SNX4: variants seen among roughly 807,000 people sequenced by gnomAD.
SNX4 encodes sorting nexin-4.
A neutral mutation model predicts 70.8 loss-of-function variants in SNX4; 49 were observed. The observed-to-expected ratio is 0.69, with a 90% CI of 0.55 to 0.88. SNX4 has a LOEUF of 0.88. Among genes scored for constraint, SNX4 ranks in the 40% least tolerant of loss-of-function variants. SNX4 has a pLI of 0.00. For synonymous variants in SNX4, 206 were observed against 183.8 expected (o/e 1.12, Z -0.98); for missense variants, 528 against 544.8 (o/e 0.97, Z 0.31).
At chr3:125,470,209 TA>T (rs1217744907) in intron 8 of SNX4, among the ~76,000 whole-genome samples, 1 of 152,098 alleles carries the variant, frequency 6.6e-6, no homozygotes, top group African/African-American at 2.4e-5. Flanking sequence ...CTTATTTGCG[TA>T]ATTTAAAGTG....
intron 5 of SNX4, among the ~76,000 whole-genome samples, chr3:125,493,584 G>A (rs1158137524): frequency 6.7e-6 from 1 of 149,244 alleles, no homozygotes; most frequent in Non-Finnish European, 1.5e-5. Context: ...AGCTGGGGAG[G>A]TGGAGCTTGC....
At chr3:125,470,842 A>T (rs1934151770) in intron 8 of SNX4, among the ~76,000 whole-genome samples, 1 of 152,160 alleles carries the variant, frequency 6.6e-6, no homozygotes, top group South Asian at 2.1e-4. Context: ...TTTAAACATA[A>T]GAGTTCCAAG....
At position 125,520,007 on chromosome 3, in the gene SNX4, G is replaced by A. The variant is rs745527893; in HGVS notation, c.141+25C>T. On this transcript the variant is annotated intron_variant, in intron 1 of 13. Transcript: ENST00000251775. ...CGCTAGGCCACCACACAGGCCATGA[G>A]GGCTCTGCCGCCCCTTCTCCTCACC... 8.9e-5 allele frequency: 127 copies of A among 1,430,904 alleles called. 3 individuals are homozygous for A. The Middle Eastern group carries it at 5.1e-3, about 57-fold the overall frequency. 88.6% of individuals were successfully genotyped at this position (1,430,904 alleles called of 1,614,324 possible).
chr3:125,468,558 A>G (rs1234919925), intron 9 of SNX4, among the ~76,000 whole-genome samples: 1 of 152,062 alleles, frequency 6.6e-6, no homozygotes, highest in Non-Finnish European at 1.5e-5. Flanking sequence ...AAAAAAATTT[A>G]ATTCAATCTG....
At chr3:125,517,732 T>G (rs1935312741) in intron 1 of SNX4, among the ~76,000 whole-genome samples, 1 of 152,152 alleles carries the variant, frequency 6.6e-6, no homozygotes, top group African/African-American at 2.4e-5. Context: ...TCCCAGCACT[T>G]TAGGAGGCTG....
intron 9 of SNX4, among the ~76,000 whole-genome samples, chr3:125,469,027 T>C: frequency 6.6e-6 from 1 of 152,178 alleles, no homozygotes; most frequent in East Asian, 1.9e-4. Flanking sequence ...TCCAGTACAA[T>C]GTTTACTAAA....
rs370396494 is a variant in SNX4, at chr3:125,495,547, T to A, written c.597+1794A>T. ...ATACTGATATTACCTTTCAAATACT[T>A]TTCAAAAGTACAATACATAAGGCTC... On this transcript the variant is annotated intron_variant, in intron 5 of 13. Transcript: ENST00000251775. Among the ~76,000 whole-genome samples the A allele has an allele frequency of 6.6e-5, 10 of 152,058 alleles. No homozygotes were observed. The East Asian group carries it at 1.2e-3, about 18-fold the overall frequency.
chr3:125,459,496 G>C (rs529100848), intron 10 of SNX4, among the ~76,000 whole-genome samples: 14 of 152,124 alleles, frequency 9.2e-5, no homozygotes, highest in Non-Finnish European at 1.8e-4. Flanking sequence ...GAGTGTAATG[G>C]TGCGATCTCG....
In SNX4 at chr3:125,504,762, AAACAAC is replaced by A. The variant is rs745308330; in HGVS notation, c.142-24_142-19del. The A allele has an allele frequency of 1.2e-6, 2 of 1,608,754 alleles. No individual in the cohort carries two copies. Among genetic ancestry groups the A allele is most frequent in the South Asian group, 1.1e-5 (1 of 90,210 alleles). ...TGTGTCATCTGGACAAAAGTAAATAAAACAACAACAACAACAAAAACCTTTAAGATG... is the reference window on the plus strand; with the variant it reads ...TGTGTCATCTGGACAAAAGTAAATAAAACAACAACAAAAACCTTTAAGATG... On this transcript the variant is annotated intron_variant, in intron 1 of 13. Transcript: ENST00000251775.
intron 9 of SNX4, among the ~76,000 whole-genome samples, chr3:125,466,019 T>C (rs553281439): frequency 1.3e-5 from 2 of 152,354 alleles, no homozygotes; most frequent in Admixed American, 1.3e-4. Flanking sequence ...ACATAGTTTA[T>C]CTTTCCATTT....
intron 8 of SNX4, among the ~76,000 whole-genome samples, chr3:125,474,763 C>T (rs1209242888): frequency 2.0e-5 from 3 of 152,170 alleles, no homozygotes; most frequent in Non-Finnish European, 4.4e-5. Flanking sequence ...TGTCTACCTG[C>T]CTCTCAAATT....
chr3:125,499,076 T>C (rs1389888528), intron 2 of SNX4, among the ~76,000 whole-genome samples: 1 of 152,196 alleles, frequency 6.6e-6, no homozygotes, highest in Non-Finnish European at 1.5e-5. Context: ...TCTCCAGTCT[T>C]ACTTTTAATT....
rs749255696 is a variant in SNX4, at chr3:125,498,135, C to A, written c.323G>T (p.Ser108Ile). 6.2e-7 allele frequency: 1 copy of A among 1,614,162 alleles called. No individual in the cohort carries two copies. Among genetic ancestry groups the A allele is most frequent in the Non-Finnish European group, 8.5e-7 (1 of 1,180,014 alleles). Residue 108 changes from serine to isoleucine, a missense_variant, in exon 3 of 14, where the codon AGT becomes ATT. Coordinates refer to ENST00000251775, the MANE Select transcript of SNX4 (RefSeq NM_003794.4). ...GTAGCTTCTCAACAACTCAAATTCA[C>A]TATATCGCCGCCATAGTGAGTCTGT... Reference protein sequence around the residue: ...VLTDSLWRRYSEFELLRSYLL... With the variant: ...VLTDSLWRRYIEFELLRSYLL...
intron 9 of SNX4, among the ~76,000 whole-genome samples, chr3:125,467,084 CAAAA>C (rs538874424): frequency 5.1e-4 from 38 of 74,560 alleles, no homozygotes; most frequent in African/African-American, 1.5e-3. Flanking sequence ...CTCTGTCTTC[CAAAA>C]AAAAAAAAAA....
Position 125,446,723 on chromosome 3 carries a change from A to G in SNX4, c.*1056T>C, listed in dbSNP as rs1161534114. 1 of 152,652 alleles carries G rather than the reference A, an allele frequency of 6.6e-6. No homozygotes were observed. Among genetic ancestry groups the G allele is most frequent in the East Asian group, 1.9e-4 (1 of 5,196 alleles). The allele number at this position is 152,652 out of a possible 1,614,324, so 9.5% of individuals were successfully genotyped here. On this transcript the variant is annotated 3_prime_UTR_variant, in exon 14 of 14. Coordinates refer to ENST00000251775, the MANE Select transcript of SNX4 (RefSeq NM_003794.4). ...AAAAATCCAGCAACATTTAAAACAT[A>G]TAAAAAAGTCAAATGCTAAACAGGA...
Position 125,474,082 on chromosome 3 carries a change from C to T in SNX4, c.788+2613G>A, listed in dbSNP as rs921419625. Among the ~76,000 whole-genome samples the T allele has an allele frequency of 5.9e-5, 9 of 152,104 alleles. No homozygotes were observed. The East Asian group carries it at 1.5e-3, about 26-fold the overall frequency. ...CCACCTACATTCTCTATCACAAATC[C>T]TTAGGCACTCAACTGCCCTAAATTA... On this transcript the variant is annotated intron_variant, in intron 8 of 13. Transcript: ENST00000251775.
intron 6 of SNX4, among the ~76,000 whole-genome samples, chr3:125,480,755 T>C (rs1934393309): frequency 6.6e-6 from 1 of 152,208 alleles, no homozygotes; most frequent in Non-Finnish European, 1.5e-5. Flanking sequence ...TGATGCACCA[T>C]CTGTCATTCT....
intron 8 of SNX4, among the ~76,000 whole-genome samples, chr3:125,474,290 G>A (rs7610077): frequency 0.44 from 66,511 of 151,880 alleles, 15,564 homozygotes; most frequent in African/African-American, 0.61. Context: ...CTCAGTTGTC[G>A]TAAGATGTTT....
At chr3:125,469,629 C>A (rs1351358870) in intron 8 of SNX4, 110 bp from the exon 9 acceptor site, 8 of 736,270 alleles carry the variant, frequency 1.1e-5, no homozygotes, top group Non-Finnish European at 1.9e-5. Flanking sequence ...TAATGTATAG[C>A]ACCCGTATTT....
Sources: gnomAD v4.1 joint callset for allele counts (sites outside exome capture counted in the v4.1 genomes callset) on GRCh38, gnomAD v4.1.1 for gene constraint, MANE v1.5 for transcripts, NCBI Gene and HGNC (gene_info 2026-07-23, HGNC 2026-07-21) for gene names.